The following IFT88 variants were observed in gnomAD, a reference collection of about 807,000 sequenced individuals.
IFT88 encodes intraflagellar transport 88, also known as intraflagellar transport protein 88 homolog.
IFT88 carries 74 observed loss-of-function variants against 119.5 expected under a neutral mutation model. The ratio of observed to expected loss-of-function variants is 0.62; its 90% CI spans 0.51 to 0.75. The LOEUF (loss-of-function observed/expected upper bound fraction) is 0.75, where lower values mean the gene tolerates loss of function less well. Ranked by LOEUF, IFT88 falls within the 30% of genes least tolerant of loss-of-function variation. IFT88 has a pLI of 0.00. For synonymous variants in IFT88, 279 were observed against 316.7 expected, an observed-to-expected ratio of 0.88 and a Z score of 1.26; for missense variants, 961 against 977.7, an observed-to-expected ratio of 0.98 and a Z score of 0.23.
At chr13:20,583,630 A>T (rs547224672) in intron 3 of IFT88, among the ~76,000 whole-genome samples, 1 of 152,250 alleles carries the variant, frequency 6.6e-6, no homozygotes, top group East Asian at 1.9e-4. Context: ...TTTTAGTTTG[A>T]TGTAGTCCCA....
At chr13:20,663,255 C>T in intron 22 of IFT88, 1 of 1,449,498 alleles carries the variant, frequency 6.9e-7, no homozygotes, top group African/African-American at 1.4e-5. Flanking sequence ...GTGCCATGTT[C>T]CTTCTAGGTT....
At chr13:20,670,737 C>G (rs950577007) in intron 23 of IFT88, among the ~76,000 whole-genome samples, 2 of 151,376 alleles carry the variant, frequency 1.3e-5, no homozygotes, top group Non-Finnish European at 2.9e-5. Flanking sequence ...TTACGCTGCA[C>G]TTTTGAATTA....
intron 13 of IFT88, among the ~76,000 whole-genome samples, chr13:20,613,941 A>C (rs1361876546): frequency 9.6e-4 from 2 of 2,094 alleles, no homozygotes; most frequent in African/African-American, 1.6e-3. Context: ...AATTAGGCAA[A>C]TCTATAAAGA....
chr13:20,634,181 G>A (rs188237007), intron 16 of IFT88, among the ~76,000 whole-genome samples: 92 of 152,256 alleles, frequency 6.0e-4, no homozygotes, highest in African/African-American at 1.8e-3. Flanking sequence ...GTTCTTGTGC[G>A]CATTGAGTTT....
At position 20,591,698 on chromosome 13, in the gene IFT88, C is replaced by T; in HGVS notation, c.328+17C>T. 2 of 1,549,542 alleles carry T rather than the reference C, an allele frequency of 1.3e-6. No individual in the cohort carries two copies. The highest frequency in any genetic ancestry group is 2.3e-5 in the East Asian group (1 of 44,352). On this transcript the variant is annotated intron_variant, in intron 6 of 25. Coordinates refer to ENST00000351808, the MANE Select transcript of IFT88 (RefSeq NM_006531.5). ...CTTTGAGAGGTTTGTTACACTGTCT[C>T]TACTAATAATCTTTTTTGGATCTTT...
intron 20 of IFT88, among the ~76,000 whole-genome samples, chr13:20,650,394 G>A (rs938924464): frequency 5.3e-5 from 8 of 152,058 alleles, no homozygotes; most frequent in Non-Finnish European, 1.0e-4. Context: ...CAATTAATGC[G>A]GAAAAGGCGT....
chr13:20,585,467 G>GT (rs1271994000), intron 3 of IFT88, among the ~76,000 whole-genome samples: 1 of 152,222 alleles, frequency 6.6e-6, no homozygotes, highest in Non-Finnish European at 1.5e-5. Context: ...CCTAACCACA[G>GT]TGTGACAGTA....
At chr13:20,615,542 G>T (rs1213646905) in intron 13 of IFT88, among the ~76,000 whole-genome samples, 7 of 152,100 alleles carry the variant, frequency 4.6e-5, no homozygotes, top group Non-Finnish European at 8.8e-5. Context: ...TTGTCAGAAG[G>T]CATCATAAAG....
At position 20,573,447 on chromosome 13, in the gene IFT88, T is replaced by C. The variant is rs1163444062; in HGVS notation, c.-6-933T>C. On this transcript the variant is annotated intron_variant, in intron 1 of 25. Coordinates refer to ENST00000351808, the MANE Select transcript of IFT88 (RefSeq NM_006531.5). ...TCCTCATTTTGGCTCAAGTAAACTTTTTAGAATTGTATTTTATGCCTCAAT... is the reference window on the plus strand; with the variant it reads ...TCCTCATTTTGGCTCAAGTAAACTTCTTAGAATTGTATTTTATGCCTCAAT... 3.3e-5 allele frequency among the ~76,000 whole-genome samples: 5 copies of C among 152,280 alleles called. No individual in the cohort carries two copies. In the East Asian group the frequency reaches 7.7e-4, roughly 23 times the overall value.
chr13:20,667,596 T>C (rs2054935966), intron 23 of IFT88, among the ~76,000 whole-genome samples: 1 of 108,896 alleles, frequency 9.2e-6, no homozygotes, highest in Non-Finnish European at 1.8e-5. Flanking sequence ...TTTGTTTTTG[T>C]TTTCTTTTTT....
At chr13:20,659,809 A>G (rs976048035) in intron 22 of IFT88, among the ~76,000 whole-genome samples, 3 of 151,806 alleles carry the variant, frequency 2.0e-5, no homozygotes, top group African/African-American at 7.3e-5. Flanking sequence ...ATGCCCAGCT[A>G]ATTTTTGTAG....
intron 22 of IFT88, among the ~76,000 whole-genome samples, chr13:20,657,058 A>G (rs988860466): frequency 1.1e-4 from 16 of 152,170 alleles, no homozygotes; most frequent in African/African-American, 3.6e-4. Flanking sequence ...GGGTTTTACT[A>G]TGTTGGCCAG....
At chr13:20,587,700 A>G (rs1382600181) in intron 3 of IFT88, among the ~76,000 whole-genome samples, 4 of 152,142 alleles carry the variant, frequency 2.6e-5, no homozygotes, top group Non-Finnish European at 4.4e-5. Flanking sequence ...TGAGCCTTAT[A>G]TTGTTATGAA....
chr13:20,645,684 G>A (rs1019222718), intron 20 of IFT88, among the ~76,000 whole-genome samples: 5 of 152,004 alleles, frequency 3.3e-5, no homozygotes, highest in Admixed American at 6.6e-5. Context: ...CTTTAAGTTC[G>A]TATCAGAATG....
intron 12 of IFT88, among the ~76,000 whole-genome samples, chr13:20,602,894 AGT>A (rs1432168214): frequency 2.0e-5 from 3 of 152,004 alleles, no homozygotes; most frequent in Non-Finnish European, 4.4e-5. Context: ...AAAAAAAAAA[AGT>A]GAAATAAATT....
intron 6 of IFT88, among the ~76,000 whole-genome samples, chr13:20,592,032 A>G (rs2040771680): frequency 6.6e-6 from 1 of 152,246 alleles, no homozygotes; most frequent in East Asian, 1.9e-4. Context: ...CTGATAATTT[A>G]GAGTTGATAA....
chr13:20,600,950 G>A (rs1308845968), intron 11 of IFT88, among the ~76,000 whole-genome samples: 1 of 152,208 alleles, frequency 6.6e-6, no homozygotes, highest in Non-Finnish European at 1.5e-5. Flanking sequence ...ATGAAGTACT[G>A]ATACATGCTA....
intron 13 of IFT88, among the ~76,000 whole-genome samples, chr13:20,609,048 T>A (rs1164786656): frequency 6.6e-6 from 1 of 152,184 alleles, no homozygotes; most frequent in Non-Finnish European, 1.5e-5. Context: ...AGATCTTGAT[T>A]TTCTGAGGAT....
At chr13:20,586,272 TGTC>T (rs1289377179) in intron 3 of IFT88, among the ~76,000 whole-genome samples, 3 of 152,194 alleles carry the variant, frequency 2.0e-5, no homozygotes, top group African/African-American at 7.2e-5. Flanking sequence ...GTTTTATACT[TGTC>T]ATATGAAACA....
Sources: gnomAD v4.1 joint callset for allele counts (sites outside exome capture counted in the v4.1 genomes callset) on GRCh38, gnomAD v4.1.1 for gene constraint, MANE v1.5 for transcripts, NCBI Gene and HGNC (gene_info 2026-07-23, HGNC 2026-07-21) for gene names.